NBEA: variants seen among roughly 807,000 people sequenced by gnomAD.
NBEA encodes the protein lysosomal-trafficking regulator 2.
NBEA carries 44 observed loss-of-function variants against 343.4 expected under a neutral mutation model. The observed-to-expected ratio is 0.13, with a 90% CI of 0.10 to 0.16. The LOEUF (loss-of-function observed/expected upper bound fraction) is 0.16. Ranked by LOEUF, NBEA falls within the 10% of genes least tolerant of loss-of-function variation. NBEA has a pLI of 1.00. For synonymous variants in NBEA, 1,175 were observed against 1,238.7 expected (o/e 0.95, Z 1.08); for missense variants, 2,555 against 3,631.3 (o/e 0.70, Z 7.62).
chr13:35,109,239 C>G, intron 11 of NBEA, 51 bp from the exon 12 acceptor site: 2 of 1,455,926 alleles, frequency 1.4e-6, no homozygotes, highest in Non-Finnish European at 1.8e-6. Flanking sequence ...AGAAATTATA[C>G]AATTTGATAT....
At chr13:35,220,010 G>A (rs993030488) in intron 33 of NBEA, among the ~76,000 whole-genome samples, 6 of 152,130 alleles carry the variant, frequency 3.9e-5, no homozygotes, top group Non-Finnish European at 8.8e-5. Flanking sequence ...TAACCACGAT[G>A]CTAGATCATG....
At chr13:34,951,787 A>G (rs1254598904) in intron 1 of NBEA, among the ~76,000 whole-genome samples, 2 of 152,218 alleles carry the variant, frequency 1.3e-5, no homozygotes, top group African/African-American at 4.8e-5. Context: ...TGATGTAGTA[A>G]GACATGAATG....
At chr13:35,552,701 A>C (rs1303438286) in intron 43 of NBEA, among the ~76,000 whole-genome samples, 1 of 152,190 alleles carries the variant, frequency 6.6e-6, no homozygotes, top group East Asian at 1.9e-4. Context: ...TTTCTCAATG[A>C]CCATGATTCC....
chr13:35,475,401 G>A, intron 41 of NBEA: 1 of 1,613,694 alleles, frequency 6.2e-7, no homozygotes, highest in Non-Finnish European at 8.5e-7. Flanking sequence ...ACTTCTTTCT[G>A]CAGCCCCCCA....
chr13:34,960,415 T>C (rs1303490588), intron 1 of NBEA, among the ~76,000 whole-genome samples: 1 of 152,062 alleles, frequency 6.6e-6, no homozygotes, highest in Non-Finnish European at 1.5e-5. Flanking sequence ...AAATAAACTT[T>C]TTTTTGTAAA....
intron 30 of NBEA, chr13:35,186,604 A>G (rs1162501377): frequency 3.3e-5 from 5 of 152,268 alleles, no homozygotes; most frequent in South Asian, 2.1e-4. Flanking sequence ...CAATTTAAGT[A>G]TTTATTATTC....
At chr13:35,385,078 A>G (rs1477896514) in intron 38 of NBEA, among the ~76,000 whole-genome samples, 1 of 151,986 alleles carries the variant, frequency 6.6e-6, no homozygotes, top group Non-Finnish European at 1.5e-5. Flanking sequence ...TTTTCCTTCT[A>G]CTGGTGATAG....
Position 35,110,948 on chromosome 13 carries a change from G to T in NBEA, c.1972G>T (p.Asp658Tyr). 1 of 1,611,076 alleles carries T rather than the reference G, an allele frequency of 6.2e-7. No homozygotes were observed. Among genetic ancestry groups the T allele is most frequent in the Non-Finnish European group, 8.5e-7 (1 of 1,177,824 alleles). The change falls in exon 13 of 59, where the codon GAC becomes TAC. Residue 658 changes from aspartate (D) to tyrosine (Y), a missense_variant. By Grantham distance (160) the Asp-to-Tyr change is radical. Coordinates refer to ENST00000379939, the MANE Select transcript of NBEA (RefSeq NM_001385012.1). ...KYYYWVINPA[D>Y]SSGITPKGLD... ...TTACTACTGGGTTATTAATCCTGCT[G>T]ACAGTAGTGGCATTACACCTAAAGG...
chr13:35,286,845 A>G (rs2035457708), intron 34 of NBEA, among the ~76,000 whole-genome samples: 1 of 151,558 alleles, frequency 6.6e-6, no homozygotes, highest in South Asian at 2.1e-4. Flanking sequence ...ATAGAAATTG[A>G]CTTCCTACCC....
At chr13:35,278,107 A>G (rs2034764414) in intron 34 of NBEA, among the ~76,000 whole-genome samples, 1 of 147,486 alleles carries the variant, frequency 6.8e-6, no homozygotes, top group South Asian at 2.1e-4. Flanking sequence ...ATATATATAT[A>G]AAATATATAT....
intron 44 of NBEA, among the ~76,000 whole-genome samples, chr13:35,556,836 A>G (rs1404817226): frequency 6.6e-6 from 1 of 152,174 alleles, no homozygotes; most frequent in Admixed American, 6.5e-5. Flanking sequence ...CAAATTAAGA[A>G]AGATTTCAAA....
intron 1 of NBEA, among the ~76,000 whole-genome samples, chr13:34,961,209 A>T (rs1471585895): frequency 2.0e-5 from 3 of 152,068 alleles, no homozygotes; most frequent in African/African-American, 4.8e-5. Context: ...TAATAATTAG[A>T]TGTGTCACAC....
At chr13:35,202,542 C>G (rs1216001382) in intron 31 of NBEA, among the ~76,000 whole-genome samples, 1 of 152,118 alleles carries the variant, frequency 6.6e-6, no homozygotes, top group African/African-American at 2.4e-5. Context: ...ATGATGTACA[C>G]AGATAAGATA....
At chr13:34,995,915 T>C (rs1335900873) in intron 1 of NBEA, among the ~76,000 whole-genome samples, 1 of 152,236 alleles carries the variant, frequency 6.6e-6, no homozygotes, top group Admixed American at 6.5e-5. Context: ...CAGTCCTACC[T>C]GCTAATGGGA....
chr13:34,974,959 A>G (rs1414313485), intron 1 of NBEA, among the ~76,000 whole-genome samples: 2 of 152,134 alleles, frequency 1.3e-5, no homozygotes, highest in East Asian at 1.9e-4. Flanking sequence ...AGTTTTCACA[A>G]TTTTTACCCG....
intron 36 of NBEA, among the ~76,000 whole-genome samples, chr13:35,347,720 A>G (rs1183739291): frequency 1.3e-5 from 2 of 151,848 alleles, no homozygotes; most frequent in Non-Finnish European, 2.9e-5. Context: ...GATCATCATC[A>G]TCATGTGGCT....
chr13:35,043,358 C>A (rs879809641), intron 2 of NBEA, among the ~76,000 whole-genome samples: 20 of 151,788 alleles, frequency 1.3e-4, no homozygotes, highest in African/African-American at 4.8e-4. Context: ...AAAATTTAAA[C>A]GTTGCAAATA....
intron 1 of NBEA, among the ~76,000 whole-genome samples, chr13:35,002,192 A>G (rs2061163923): frequency 6.6e-6 from 1 of 152,194 alleles, no homozygotes; most frequent in Admixed American, 6.5e-5. Flanking sequence ...GTAGGGAGCT[A>G]ACAGGTTACA....
At chr13:35,618,566 C>A (rs1267061711) in intron 48 of NBEA, among the ~76,000 whole-genome samples, 1 of 152,120 alleles carries the variant, frequency 6.6e-6, no homozygotes, top group Non-Finnish European at 1.5e-5. Context: ...CACTAGAAAA[C>A]CTGGAAAAGC....
Sources: allele counts gnomAD v4.1 joint callset (sites outside exome capture counted in the v4.1 genomes callset), GRCh38; gene constraint gnomAD v4.1.1; transcripts MANE v1.5; gene names NCBI Gene and HGNC (gene_info 2026-07-23, HGNC 2026-07-21).